OTUD7A: variants seen among roughly 807,000 people sequenced by gnomAD.
OTUD7A encodes OTU deubiquitinase 7A.
In OTUD7A, 12 loss-of-function variants were observed where a neutral mutation model predicts 65.7. The observed-to-expected ratio is 0.18, with a 90% confidence interval of 0.12 to 0.30. The LOEUF (loss-of-function observed/expected upper bound fraction) is 0.30, where lower values mean the gene tolerates loss of function less well. OTUD7A is among the 10% of genes least tolerant of loss of function. The pLI, the probability that OTUD7A is intolerant of heterozygous loss-of-function variation, is 1.00. For synonymous variants in OTUD7A, 641 were observed against 586.3 expected (o/e 1.09, Z -1.35); for missense variants, 1,148 against 1,304.8 (o/e 0.88, Z 1.85).
chr15:31,618,774 G>A (rs1355876811), intron 3 of OTUD7A, among the ~76,000 whole-genome samples: 3 of 152,140 alleles, frequency 2.0e-5, no homozygotes, highest in Non-Finnish European at 1.5e-5. Flanking sequence ...AAGCCCTTTA[G>A]TTTAATTAGA....
chr15:31,699,153 C>G (rs1893151657), intron 1 of OTUD7A, among the ~76,000 whole-genome samples: 1 of 150,180 alleles, frequency 6.7e-6, no homozygotes, highest in Non-Finnish European at 1.5e-5. Flanking sequence ...GATCTCAGCT[C>G]ACTGCAAGCT....
intron 1 of OTUD7A, among the ~76,000 whole-genome samples, chr15:31,670,410 ATTC>A (rs1892450563): frequency 6.6e-6 from 1 of 152,208 alleles, no homozygotes; most frequent in African/African-American, 2.4e-5. Flanking sequence ...GTATAAATGC[ATTC>A]TTATTTCTCC....
At chr15:31,546,767 T>C (rs1888144467) in intron 5 of OTUD7A, among the ~76,000 whole-genome samples, 1 of 152,244 alleles carries the variant, frequency 6.6e-6, no homozygotes, top group African/African-American at 2.4e-5. Context: ...GTATATACAT[T>C]GCAGTGCAAT....
chr15:31,846,102 T>C (rs1429383517), intron 1 of OTUD7A, among the ~76,000 whole-genome samples: 1 of 152,242 alleles, frequency 6.6e-6, no homozygotes, highest in East Asian at 1.9e-4. Flanking sequence ...AGCCCTGCTC[T>C]GCTCACCTTT....
chr15:31,507,676 T>G (rs558722511), intron 8 of OTUD7A, among the ~76,000 whole-genome samples: 9 of 152,148 alleles, frequency 5.9e-5, no homozygotes, highest in Middle Eastern at 3.4e-3. Flanking sequence ...TATTGGCCCC[T>G]CCCATGTTCC....
At chr15:31,821,605 G>A (rs1358024526) in intron 1 of OTUD7A, among the ~76,000 whole-genome samples, 1 of 152,046 alleles carries the variant, frequency 6.6e-6, no homozygotes, top group African/African-American at 2.4e-5. Context: ...AAGTTTTTGT[G>A]TGAACATGTT....
At chr15:31,582,435 T>C in intron 3 of OTUD7A, among the ~76,000 whole-genome samples, 1 of 152,210 alleles carries the variant, frequency 6.6e-6, no homozygotes, top group East Asian at 1.9e-4. Flanking sequence ...AATTTATTAG[T>C]CTGTTCTCAT....
chr15:31,784,854 GT>G (rs1895630209), intron 1 of OTUD7A, among the ~76,000 whole-genome samples: 1 of 152,182 alleles, frequency 6.6e-6, no homozygotes, highest in African/African-American at 2.4e-5. Flanking sequence ...CACAGTGAAG[GT>G]AGATGATTCT....
chr15:31,647,172 C>T (rs538044009), intron 3 of OTUD7A, among the ~76,000 whole-genome samples: 1 of 152,158 alleles, frequency 6.6e-6, no homozygotes, highest in African/African-American at 2.4e-5. Context: ...ATGGTCCCAG[C>T]CCCGGCCAAG....
At chr15:31,756,830 G>A (rs549555627) in intron 1 of OTUD7A, among the ~76,000 whole-genome samples, 1 of 152,138 alleles carries the variant, frequency 6.6e-6, no homozygotes, top group South Asian at 2.1e-4. Flanking sequence ...CAGCTACTGC[G>A]GACCTAACAA....
chr15:31,562,797 G>A (rs1352877152), intron 4 of OTUD7A, among the ~76,000 whole-genome samples: 1 of 152,160 alleles, frequency 6.6e-6, no homozygotes, highest in Non-Finnish European at 1.5e-5. Context: ...TAAAGCCGTC[G>A]AAGACAGTAC....
Position 31,484,744 on chromosome 15 carries a change from C to G in OTUD7A, c.1372-20G>C, listed in dbSNP as rs756910731. The G allele has an allele frequency of 5.0e-6, 8 of 1,586,774 alleles. No individual in the cohort carries two copies. The East Asian group carries it at 1.8e-4, about 36-fold the overall frequency. On this transcript the variant is annotated intron_variant, in intron 12 of 12. Coordinates refer to ENST00000307050, the MANE Select transcript of OTUD7A (RefSeq NM_001382637.1). The surrounding 1 kb of genome is among the most constrained non-coding windows in gnomAD (Gnocchi z 4.5). The stretch of plus-strand genomic sequence containing the variant: ...GGGCGCCTGTGTGGAGAGGGAGGGC[C>G]GGATCGAAGGTGGTTAGAGAAGAGC...
chr15:31,616,539 A>G (rs1437225156), intron 3 of OTUD7A, among the ~76,000 whole-genome samples: 1 of 152,140 alleles, frequency 6.6e-6, no homozygotes, highest in Non-Finnish European at 1.5e-5. Flanking sequence ...AATAGCTTTT[A>G]CATTTTACTT....
At chr15:31,659,037 GAATGAATAAATAAATAAATA>G (rs1221728982) in intron 1 of OTUD7A, among the ~76,000 whole-genome samples, 15 of 118,566 alleles carry the variant, frequency 1.3e-4, no homozygotes, top group Admixed American at 1.7e-4. Flanking sequence ...ATGAATGAAT[GAATGAATAAATAAATAAATA>G]AATAAATAAA....
intron 1 of OTUD7A, among the ~76,000 whole-genome samples, chr15:31,722,599 T>C (rs529682383): frequency 6.6e-6 from 1 of 152,330 alleles, no homozygotes; most frequent in South Asian, 2.1e-4. Flanking sequence ...GGTCTGGGGA[T>C]GCTGGTTTGA....
chr15:31,743,811 A>G (rs976476505), intron 1 of OTUD7A, among the ~76,000 whole-genome samples: 20 of 152,266 alleles, frequency 1.3e-4, no homozygotes, highest in African/African-American at 3.6e-4. Context: ...TGAAAGATTC[A>G]TAAGACCGGT....
At chr15:31,866,264 G>A (rs553707829) in intron 1 of OTUD7A, among the ~76,000 whole-genome samples, 3 of 152,320 alleles carry the variant, frequency 2.0e-5, no homozygotes, top group South Asian at 2.1e-4. Context: ...CCTAGAGCAC[G>A]ACAGGCCAGA....
chr15:31,856,720 T>C lies in OTUD7A; in HGVS notation c.-100+13787A>G, dbSNP rs117016214. 1.4e-3 allele frequency among the ~76,000 whole-genome samples: 208 copies of C among 152,290 alleles called. 1 individual carries two copies. Among genetic ancestry groups the C allele is most frequent in the Admixed American group, 7.0e-3 (107 of 15,300 alleles). On this transcript the variant is annotated intron_variant, in intron 1 of 12. Transcript: ENST00000307050. ...AACTCATCTACAATCTATGTAAAAA[T>C]TAAAGTGATGACGCACAGCGGACAA...
intron 5 of OTUD7A, among the ~76,000 whole-genome samples, chr15:31,548,433 G>T (rs1213746605): frequency 6.6e-6 from 1 of 152,120 alleles, no homozygotes; most frequent in African/African-American, 2.4e-5. Flanking sequence ...TCACGTGGCA[G>T]AAAGTATCCT....
Sources: allele counts gnomAD v4.1 joint callset (sites outside exome capture counted in the v4.1 genomes callset), GRCh38; gene constraint gnomAD v4.1.1; non-coding constraint Gnocchi (gnomAD v3.1); transcripts MANE v1.5; gene names NCBI Gene and HGNC (gene_info 2026-07-23, HGNC 2026-07-21).